Variants in FNDC3B observed in about 807,000 individuals in gnomAD.
FNDC3B encodes the protein fibronectin type III domain containing 3B.
A neutral mutation model predicts 151.5 loss-of-function variants in FNDC3B; 12 were observed. The ratio of observed to expected loss-of-function variants is 0.08; its 90% CI spans 0.05 to 0.13. The LOEUF is 0.13. Among genes scored for constraint, FNDC3B ranks in the 10% least tolerant of loss-of-function variants. FNDC3B has a pLI of 1.00. For synonymous variants in FNDC3B, 528 were observed against 549.0 expected, an observed-to-expected ratio of 0.96 and a Z score of 0.54; for missense variants, 1,214 against 1,505.3, an observed-to-expected ratio of 0.81 and a Z score of 3.20.
In FNDC3B at chr3:172,397,088, G is replaced by A. The variant is rs373384125; in HGVS notation, c.3304-76G>A. ...AATATAAACCAAGAGTGAATGGAGTGAATCTAAACCAAGATTCTTCTAGAG... is the reference window on the plus strand; with the variant it reads ...AATATAAACCAAGAGTGAATGGAGTAAATCTAAACCAAGATTCTTCTAGAG... On this transcript the variant is annotated intron_variant, in intron 25 of 25. Transcript: ENST00000415807. 5.4e-5 allele frequency: 64 copies of A among 1,185,904 alleles called. No individual in the cohort carries two copies. In the African/African-American group the frequency reaches 8.8e-4, roughly 16 times the overall value. The allele number at this position is 1,185,904 out of a possible 1,614,324, so 73.5% of individuals were successfully genotyped here.
At chr3:172,331,159 A>T (rs1411738754) in intron 13 of FNDC3B, among the ~76,000 whole-genome samples, 1 of 152,152 alleles carries the variant, frequency 6.6e-6, no homozygotes, top group African/African-American at 2.4e-5. Flanking sequence ...TGGGTGGAGA[A>T]CATCATCTTG....
chr3:172,152,567 C>T (rs1288996727), intron 3 of FNDC3B, among the ~76,000 whole-genome samples: 33 of 141,610 alleles, frequency 2.3e-4, no homozygotes, highest in African/African-American at 8.0e-4. Flanking sequence ...TCACATTCTC[C>T]ATGGGAAGGG....
At chr3:172,336,962 A>C (rs1286484156) in intron 15 of FNDC3B, among the ~76,000 whole-genome samples, 1 of 152,178 alleles carries the variant, frequency 6.6e-6, no homozygotes, top group Non-Finnish European at 1.5e-5. Context: ...TGAAATAAAA[A>C]GAATAAAATC....
At chr3:172,297,679 T>C (rs1253483237) in intron 8 of FNDC3B, among the ~76,000 whole-genome samples, 1 of 152,040 alleles carries the variant, frequency 6.6e-6, no homozygotes, top group Non-Finnish European at 1.5e-5. Flanking sequence ...TTTCACCGTG[T>C]TAGCCAGGAT....
chr3:172,180,295 G>C (rs1460460594), intron 3 of FNDC3B, among the ~76,000 whole-genome samples: 1 of 152,156 alleles, frequency 6.6e-6, no homozygotes, highest in East Asian at 1.9e-4. Flanking sequence ...GACCTGTTGA[G>C]GGGGAGTCTC....
At chr3:172,392,599 T>C (rs2108392882) in intron 25 of FNDC3B, among the ~76,000 whole-genome samples, 1 of 152,172 alleles carries the variant, frequency 6.6e-6, no homozygotes, top group East Asian at 1.9e-4. Context: ...GAATGTCCTG[T>C]TTCTTGGTGG....
At chr3:172,342,936 A>G (rs1733409931) in intron 17 of FNDC3B, 75 bp from the exon 18 acceptor site, 1 of 863,972 alleles carries the variant, frequency 1.2e-6, no homozygotes, top group South Asian at 1.4e-5. Context: ...TATGGGGTGG[A>G]ATTTGCCTGA....
chr3:172,139,767 T>C (rs1721528602), intron 3 of FNDC3B, among the ~76,000 whole-genome samples: 2 of 151,986 alleles, frequency 1.3e-5, no homozygotes, highest in African/African-American at 2.4e-5. Context: ...TTTTTTTGTT[T>C]TTTGAGACAG....
chr3:172,048,334 G>A (rs1201526213), intron 1 of FNDC3B, among the ~76,000 whole-genome samples: 1 of 151,776 alleles, frequency 6.6e-6, no homozygotes, highest in Admixed American at 6.6e-5. Context: ...TCATTCAATG[G>A]GAAAGAAAAT....
intron 8 of FNDC3B, among the ~76,000 whole-genome samples, chr3:172,297,777 T>G (rs1399784752): frequency 6.6e-6 from 1 of 152,238 alleles, no homozygotes; most frequent in African/African-American, 2.4e-5. Flanking sequence ...CCCGGCCTTT[T>G]TTTTCATAAG....
chr3:172,278,398 C>A (rs1386819661), intron 6 of FNDC3B, among the ~76,000 whole-genome samples: 2 of 152,022 alleles, frequency 1.3e-5, no homozygotes, highest in Non-Finnish European at 2.9e-5. Flanking sequence ...TGTTACATAC[C>A]CAGGGAGGGT....
At chr3:172,244,748 C>T (rs1187189486) in intron 4 of FNDC3B, among the ~76,000 whole-genome samples, 1 of 150,808 alleles carries the variant, frequency 6.6e-6, no homozygotes, top group Admixed American at 6.7e-5. Flanking sequence ...CTTCAGCCTC[C>T]TGAGTAGCTG....
In FNDC3B at chr3:172,051,083, CT is replaced by C. The variant is rs550247058; in HGVS notation, c.-29+11328del. Reference sequence around the variant, plus strand: ...TAGATAACTTATCATTTTCTTTCTTCTTTTTTTTTTTTTTTTGGAGATGGAG... The same window carrying C: ...TAGATAACTTATCATTTTCTTTCTTCTTTTTTTTTTTTTTTGGAGATGGAG... On this transcript the variant is annotated intron_variant, in intron 1 of 25. Transcript: ENST00000415807. 4.4e-3 allele frequency among the ~76,000 whole-genome samples: 602 copies of C among 137,712 alleles called. 10 individuals carry two copies. The highest frequency in any genetic ancestry group is 0.041 in the South Asian group (174 of 4,296). 90.3% of individuals were successfully genotyped at this position (137,712 alleles called of 152,430 possible).
At chr3:172,392,810 C>CTTTTTTTT (rs1167627679) in intron 25 of FNDC3B, among the ~76,000 whole-genome samples, 49,272 of 97,566 alleles carry the variant, frequency 0.51, 14,966 homozygotes, top group Non-Finnish European at 0.65. Flanking sequence ...TTTTTTTTTT[C>CTTTTTTTT]TTTTTTTTTT....
intron 1 of FNDC3B, among the ~76,000 whole-genome samples, chr3:172,052,713 C>T (rs764510921): frequency 2.0e-5 from 3 of 152,050 alleles, no homozygotes; most frequent in Non-Finnish European, 2.9e-5. Context: ...AAATCCTTAT[C>T]AAGTGTTTCA....
intron 5 of FNDC3B, among the ~76,000 whole-genome samples, chr3:172,248,678 TTA>T (rs1023420269): frequency 3.4e-5 from 5 of 148,206 alleles, no homozygotes; most frequent in Admixed American, 6.8e-5. Context: ...CTTTTAAGAA[TTA>T]TATATATATA....
intron 1 of FNDC3B, among the ~76,000 whole-genome samples, chr3:172,094,760 G>GT (rs756626290): frequency 2.0e-5 from 3 of 151,560 alleles, no homozygotes; most frequent in East Asian, 3.9e-4. Context: ...TAAGTCCTCT[G>GT]TTCCCCATCT....
intron 11 of FNDC3B, among the ~76,000 whole-genome samples, chr3:172,327,310 C>T (rs115205722): frequency 6.6e-6 from 1 of 152,262 alleles, no homozygotes; most frequent in Non-Finnish European, 1.5e-5. Flanking sequence ...AACTCTCACT[C>T]CCTTCCATTG....
chr3:172,177,626 C>CTTTTTT lies in FNDC3B; in HGVS notation c.187+44096_187+44101dup, dbSNP rs10684671. On this transcript the variant is annotated intron_variant, in intron 3 of 25. Coordinates refer to ENST00000415807, the MANE Select transcript of FNDC3B (RefSeq NM_022763.4). ...AGGAAGGAATCATTTTTACCACCATCTTTTTTTTTTTTTTTTTTTTTGCAC... is the reference window on the plus strand; with the variant it reads ...AGGAAGGAATCATTTTTACCACCATCTTTTTTTTTTTTTTTTTTTTTTTTTTTGCAC... Among the ~76,000 whole-genome samples, 212 of 84,834 alleles carry CTTTTTT rather than the reference C, an allele frequency of 2.5e-3. 15 individuals carry two copies. The highest frequency in any genetic ancestry group is 9.8e-3 in the African/African-American group (202 of 20,522). The allele number at this position is 84,834 out of a possible 152,430, so 55.7% of individuals were successfully genotyped here.
Sources: allele counts gnomAD v4.1 joint callset (sites outside exome capture counted in the v4.1 genomes callset), GRCh38; gene constraint gnomAD v4.1.1; transcripts MANE v1.5; gene names NCBI Gene and HGNC (gene_info 2026-07-23, HGNC 2026-07-21).